The following WDR41 variants were observed in gnomAD, a reference collection of about 807,000 sequenced individuals.
The protein encoded by WDR41 is WD repeat-containing protein 41.
WDR41 carries 63 observed loss-of-function variants against 69.3 expected under a neutral mutation model. The observed-to-expected ratio is 0.91, with a 90% CI of 0.74 to 1.12. WDR41 has a LOEUF of 1.12. Among genes scored for constraint, WDR41 ranks in the 50% most tolerant of loss-of-function variants. The pLI is 0.00. For missense variants in WDR41, 543 were observed against 534.5 expected (o/e 1.02, Z -0.16); for synonymous variants, 185 against 192.1 (o/e 0.96, Z 0.31).
chr5:77,561,827 T>C (rs7734999), intron 1 of WDR41, among the ~76,000 whole-genome samples: 51,848 of 151,964 alleles, frequency 0.34, 11,125 homozygotes, highest in African/African-American at 0.59. Flanking sequence ...TGTTTTCTTT[T>C]GAAACAAAAA....
At chr5:77,444,468 T>C (rs907525151) in intron 8 of WDR41, among the ~76,000 whole-genome samples, 3 of 152,234 alleles carry the variant, frequency 2.0e-5, no homozygotes, top group Admixed American at 6.5e-5. Flanking sequence ...CAGTTATTTT[T>C]TGTCTGTCTT....
At chr5:77,562,772 T>C (rs576985002) in intron 1 of WDR41, among the ~76,000 whole-genome samples, 1 of 152,288 alleles carries the variant, frequency 6.6e-6, no homozygotes, top group South Asian at 2.1e-4. Flanking sequence ...TAAAATCACT[T>C]GGGCCTTGGT....
intron 2 of WDR41, among the ~76,000 whole-genome samples, chr5:77,471,675 A>G (rs957640751): frequency 2.6e-5 from 4 of 152,234 alleles, no homozygotes; most frequent in Non-Finnish European, 5.9e-5. Context: ...TAGAAAATCT[A>G]GAAGAAATGG....
intron 4 of WDR41, among the ~76,000 whole-genome samples, chr5:77,459,752 C>T (rs1019382450): frequency 3.3e-5 from 5 of 152,130 alleles, no homozygotes; most frequent in African/African-American, 9.7e-5. Flanking sequence ...GTATGTACTA[C>T]GTATACAAAT....
chr5:77,609,694 A>T (rs1177689616), intron 1 of WDR41, among the ~76,000 whole-genome samples: 1 of 152,046 alleles, frequency 6.6e-6, no homozygotes, highest in East Asian at 1.9e-4. Context: ...AGATAAAACC[A>T]CAAAGATGGG....
intron 1 of WDR41, among the ~76,000 whole-genome samples, chr5:77,555,554 C>G (rs1743375209): frequency 6.6e-6 from 1 of 152,206 alleles, no homozygotes; most frequent in Non-Finnish European, 1.5e-5. Context: ...AAGAGATCCT[C>G]CTGCCTCAGC....
intron 2 of WDR41, among the ~76,000 whole-genome samples, chr5:77,467,271 C>T (rs922589623): frequency 2.0e-5 from 3 of 151,904 alleles, no homozygotes; most frequent in Non-Finnish European, 4.4e-5. Flanking sequence ...AAAGCAAAAA[C>T]TTAAGCCTAA....
rs1044493633 is a variant in WDR41 at position 77,565,919 on chromosome 5, A to T, written c.42+54560T>A. 1.1e-3 allele frequency among the ~76,000 whole-genome samples: 162 copies of T among 152,320 alleles called. 2 individuals are homozygous for T. Among genetic ancestry groups the T allele is most frequent in the Non-Finnish European group, 3.4e-4 (23 of 68,016 alleles). ...AAGGTGTATTGTAGGTATTCAACAC[A>T]TTATTGTAATTAATTAAAACCCATT... On this transcript the variant is annotated intron_variant, in intron 1 of 5. Coordinates refer to the WDR41 transcript ENST00000509971.
At chr5:77,536,666 C>T (rs1173180375) in intron 1 of WDR41, among the ~76,000 whole-genome samples, 2 of 152,124 alleles carry the variant, frequency 1.3e-5, no homozygotes, top group African/African-American at 4.8e-5. Context: ...TTTAGGTCCA[C>T]AAATACTTAC....
chr5:77,620,572 TCACCTGAGCAAC>T (rs1171354066), exon 1 of WDR41: 1 of 450,790 alleles, frequency 2.2e-6, no homozygotes, highest in Non-Finnish European at 4.5e-6. Context: ...GTACCTGCGC[TCACCTGAGCAAC>T]CACTAGGCTG....
At chr5:77,441,283 C>T (rs1441738386) in intron 8 of WDR41, among the ~76,000 whole-genome samples, 4 of 152,064 alleles carry the variant, frequency 2.6e-5, no homozygotes, top group Admixed American at 2.0e-4. Context: ...GTAAAAGAAC[C>T]TTATCTTGTA....
intron 1 of WDR41, among the ~76,000 whole-genome samples, chr5:77,577,318 C>A (rs1346765924): frequency 4.0e-5 from 6 of 149,794 alleles, no homozygotes; most frequent in Admixed American, 6.7e-5. Context: ...CCCTTCCCCC[C>A]ACCAAAAAAA....
rs908874914 is a variant in WDR41, at chr5:77,432,920, G to A, written c.*215C>T. On this transcript the variant is annotated 3_prime_UTR_variant, in exon 13 of 13. Coordinates refer to ENST00000296679, the MANE Select transcript of WDR41 (RefSeq NM_018268.4). The stretch of plus-strand genomic sequence containing the variant: ...CTTCAACAGCAGCTCAAAGTCAAAT[G>A]GAAAAACTTGTGGTATATTCTTTGG... 98 of 460,702 alleles carry A rather than the reference G, an allele frequency of 2.1e-4. No individual in the cohort carries two copies. The highest frequency in any genetic ancestry group is 2.6e-5 in the Non-Finnish European group (7 of 266,790). The allele number at this position is 460,702 out of a possible 1,614,324, so 28.5% of individuals were successfully genotyped here. A position where few individuals can be genotyped will look rare whatever the true frequency, so the allele number is the denominator to read the frequency against.
At chr5:77,498,894 C>A (rs1331098869) in intron 1 of WDR41, among the ~76,000 whole-genome samples, 1 of 150,272 alleles carries the variant, frequency 6.7e-6, no homozygotes, top group East Asian at 1.9e-4. Context: ...CTCAAAAGTA[C>A]AATCCATAAA....
chr5:77,596,060 T>TA (rs1052003639), intron 1 of WDR41, among the ~76,000 whole-genome samples: 1 of 152,188 alleles, frequency 6.6e-6, no homozygotes, highest in Non-Finnish European at 1.5e-5. Context: ...TTCAGTCTCA[T>TA]AAAAAACAAA....
At chr5:77,456,496 A>G (rs1380745296) in intron 5 of WDR41, among the ~76,000 whole-genome samples, 1 of 152,206 alleles carries the variant, frequency 6.6e-6, no homozygotes, top group East Asian at 1.9e-4. Context: ...AGGATTTTCT[A>G]TATACACAAG....
intron 1 of WDR41, among the ~76,000 whole-genome samples, chr5:77,514,430 T>C (rs192702907): frequency 5.0e-4 from 76 of 152,328 alleles, no homozygotes; most frequent in Admixed American, 1.0e-3. Flanking sequence ...TCCCTTGTTA[T>C]TTGCTTTTAC....
intron 2 of WDR41, among the ~76,000 whole-genome samples, chr5:77,465,205 C>T (rs1053738472): frequency 2.6e-5 from 4 of 152,116 alleles, no homozygotes; most frequent in Admixed American, 6.5e-5. Context: ...TTCTATTATT[C>T]TCTCTGTAAA....
chr5:77,499,009 C>T (rs1037769241), intron 1 of WDR41, among the ~76,000 whole-genome samples: 8 of 151,944 alleles, frequency 5.3e-5, no homozygotes, highest in Non-Finnish European at 8.8e-5. Context: ...AAAATATTTG[C>T]AAATTAGGTA....
Sources: gnomAD v4.1 joint callset for allele counts (sites outside exome capture counted in the v4.1 genomes callset) on GRCh38, gnomAD v4.1.1 for gene constraint, MANE v1.5 for transcripts, NCBI Gene and HGNC (gene_info 2026-07-23, HGNC 2026-07-21) for gene names.